PIK3C3: variants seen among roughly 807,000 people sequenced by gnomAD.
PIK3C3 encodes phosphatidylinositol 3-kinase catalytic subunit type 3, also known as PI3-kinase type 3.
Under a neutral mutation model 126.1 loss-of-function variants are expected in PIK3C3, and 95 were observed. The observed-to-expected ratio is 0.75, with a 90% CI of 0.64 to 0.89. The LOEUF is 0.89. PIK3C3 is among the 40% of genes least tolerant of loss of function. PIK3C3 has a pLI of 0.00. For synonymous variants in PIK3C3, 374 were observed against 360.0 expected, an observed-to-expected ratio of 1.04 and a Z score of -0.44; for missense variants, 829 against 1,063.2, an observed-to-expected ratio of 0.78 and a Z score of 3.06.
Position 41,997,806 on chromosome 18 carries a change from G to T in PIK3C3, c.984+1076G>T, listed in dbSNP as rs16975520. Among the ~76,000 whole-genome samples the T allele has an allele frequency of 7.4e-3, 1,127 of 152,164 alleles. 15 individuals carry two copies. Among genetic ancestry groups the T allele is most frequent in the African/African-American group, 0.026 (1,074 of 41,528 alleles). On this transcript the variant is annotated intron_variant, in intron 9 of 24. Transcript: ENST00000262039. ...ATACATGCTGCCTCTTGATATGCTTGCATCTACGAATTAGAAGAAAAGAAA... is the reference window on the plus strand; with the variant it reads ...ATACATGCTGCCTCTTGATATGCTTTCATCTACGAATTAGAAGAAAAGAAA...
rs1567984299 is a variant in PIK3C3 at position 42,015,537 on chromosome 18, AAAG to A, written c.1391_1393del (p.Glu464del). Reference sequence around the variant, plus strand: ...TTCACCTCCTCCTGCATCAAAAACAAAAGAAGTTCCAGATGGCGAAAATCTGGA... The same window carrying A: ...TTCACCTCCTCCTGCATCAAAAACAAAAGTTCCAGATGGCGAAAATCTGGA... On this transcript the variant is annotated inframe_deletion, in exon 12 of 25. Coordinates refer to ENST00000262039, the MANE Select transcript of PIK3C3 (RefSeq NM_002647.4). 1.9e-6 allele frequency: 3 copies of A among 1,613,670 alleles called. No individual in the cohort carries two copies. The highest frequency in any genetic ancestry group is 1.3e-5 in the African/African-American group (1 of 74,904).
At chr18:41,960,774 C>T (rs755622330) in intron 2 of PIK3C3, among the ~76,000 whole-genome samples, 10 of 150,510 alleles carry the variant, frequency 6.6e-5, no homozygotes, top group South Asian at 2.1e-4. Context: ...GATGGCGTCT[C>T]GCTCTGTCGC....
intron 21 of PIK3C3, chr18:42,057,595 G>A (rs1015911073): frequency 5.4e-5 from 15 of 277,458 alleles, no homozygotes; most frequent in South Asian, 9.8e-5. Flanking sequence ...GGCTCTGACC[G>A]TCTTTGATTC....
chr18:42,030,797 G>A (rs1567991578), intron 15 of PIK3C3, among the ~76,000 whole-genome samples: 1 of 152,192 alleles, frequency 6.6e-6, no homozygotes, highest in Admixed American at 6.5e-5. Context: ...GGGAGTGTCT[G>A]CTGCTCTGAC....
chr18:41,966,667 G>A (rs1980386498), intron 3 of PIK3C3, among the ~76,000 whole-genome samples: 1 of 152,124 alleles, frequency 6.6e-6, no homozygotes, highest in African/African-American at 2.4e-5. Context: ...AGAATCCCTA[G>A]TGAATACAAA....
chr18:42,033,892 C>G lies in PIK3C3; in HGVS notation c.1774C>G (p.Pro592Ala). ...KMNLSDVELIPLPLEPQVKIR... is the reference protein window; with the variant it reads ...KMNLSDVELIALPLEPQVKIR... ...GAATTTGTCAGATGTGGAACTTATC[C>G]CGTTGCCTTTAGAACCCCAAGTGAA... The change falls in exon 16 of 25, where the codon CCG becomes GCG. Residue 592 changes from proline (P) to alanine (A), a missense_variant. Coordinates refer to ENST00000262039, the MANE Select transcript of PIK3C3 (RefSeq NM_002647.4). The G allele has an allele frequency of 6.2e-7, 1 of 1,604,792 alleles. No homozygotes were observed. Among genetic ancestry groups the G allele is most frequent in the Non-Finnish European group, 8.5e-7 (1 of 1,173,884 alleles).
At chr18:42,036,528 C>T (rs184363182) in intron 16 of PIK3C3, among the ~76,000 whole-genome samples, 11 of 152,036 alleles carry the variant, frequency 7.2e-5, no homozygotes, top group African/African-American at 2.7e-4. Context: ...GGGTCTCTCT[C>T]TCTCAGAACA....
chr18:41,966,927 G>A (rs571201271), intron 3 of PIK3C3, among the ~76,000 whole-genome samples: 1 of 152,268 alleles, frequency 6.6e-6, no homozygotes, highest in African/African-American at 2.4e-5. Context: ...ATATTTTGAG[G>A]GGGTGGAGTG....
intron 10 of PIK3C3, among the ~76,000 whole-genome samples, chr18:42,005,051 G>A (rs973086381): frequency 2.6e-5 from 4 of 152,148 alleles, no homozygotes; most frequent in African/African-American, 9.7e-5. Context: ...TTTTCTGAAG[G>A]GGTTTTGGAT....
At chr18:42,072,426 A>G (rs1598957374) in intron 24 of PIK3C3, among the ~76,000 whole-genome samples, 1 of 152,212 alleles carries the variant, frequency 6.6e-6, no homozygotes, top group Admixed American at 6.5e-5. Context: ...AAACACTGCA[A>G]TATTTGTTTC....
At chr18:41,960,146 TGAG>T (rs1473163093) in intron 2 of PIK3C3, among the ~76,000 whole-genome samples, 2 of 152,194 alleles carry the variant, frequency 1.3e-5, no homozygotes, top group African/African-American at 4.8e-5. Context: ...GTTCTAATAA[TGAG>T]GAACTCATCC....
chr18:41,981,812 A>G (rs1457768971), intron 4 of PIK3C3, among the ~76,000 whole-genome samples: 1 of 151,146 alleles, frequency 6.6e-6, no homozygotes, highest in African/African-American at 2.4e-5. Flanking sequence ...ATACAAAAAA[A>G]AAAAAAAGAA....
At position 41,990,485 on chromosome 18, in the gene PIK3C3, G is replaced by A. The variant is rs1981722494; in HGVS notation, c.645G>A (p.Met215Ile). ...GTGAAAAACGAAGTTCTAATTTCAT[G>A]TACCTGATGGTTGAATTTCGATGTG... is the stretch of plus-strand genomic sequence containing the variant. ...NESEKRSSNF[M>I]YLMVEFRCVK... is the part of the protein sequence containing the mutation. The change falls in exon 6 of 25, where the codon ATG becomes ATA. Residue 215 changes from methionine (M) to isoleucine (I), a missense_variant. By Grantham distance (10) the Met-to-Ile change is conservative (BLOSUM62 1). This residue lies in a region of PIK3C3 where 313 missense variants were observed against 340.7 expected (regional missense o/e 0.92). Coordinates refer to ENST00000262039, the MANE Select transcript of PIK3C3 (RefSeq NM_002647.4). 6.3e-7 allele frequency: 1 copy of A among 1,594,708 alleles called. No individual in the cohort carries two copies. Among genetic ancestry groups the A allele is most frequent in the Non-Finnish European group, 8.6e-7 (1 of 1,163,906 alleles).
intron 21 of PIK3C3, among the ~76,000 whole-genome samples, chr18:42,053,223 G>A (rs758591133): frequency 9.9e-5 from 15 of 152,240 alleles, no homozygotes; most frequent in East Asian, 1.9e-4. Flanking sequence ...AAAATGATTC[G>A]CTGCATATAG....
intron 4 of PIK3C3, among the ~76,000 whole-genome samples, chr18:41,981,989 A>G (rs964709990): frequency 6.6e-6 from 1 of 152,068 alleles, no homozygotes; most frequent in Non-Finnish European, 1.5e-5. Flanking sequence ...GTCTCAAAAA[A>G]AAAAAGGTAC....
intron 1 of PIK3C3, among the ~76,000 whole-genome samples, chr18:41,956,735 G>A (rs911400594): frequency 4.6e-5 from 7 of 152,018 alleles, no homozygotes; most frequent in Admixed American, 1.3e-4. Flanking sequence ...TTATCTTACT[G>A]TAATGGGAAG....
chr18:41,969,238 T>G (rs1314904117), intron 3 of PIK3C3, among the ~76,000 whole-genome samples: 1 of 152,170 alleles, frequency 6.6e-6, no homozygotes, highest in African/African-American at 2.4e-5. Context: ...TATAGTCTTT[T>G]TATTTCTAAG....
chr18:42,074,984 G>A (rs868540375), intron 24 of PIK3C3, among the ~76,000 whole-genome samples: 7 of 152,064 alleles, frequency 4.6e-5, no homozygotes, highest in Admixed American at 1.3e-4. Context: ...ATGTACAAAG[G>A]TAAAAAGTTC....
Position 42,029,458 on chromosome 18 carries a change from T to C in PIK3C3, c.1707+17T>C, listed in dbSNP as rs1370791318. The C allele has an allele frequency of 7.0e-7, 1 of 1,430,718 alleles. No homozygotes were observed. Among genetic ancestry groups the C allele is most frequent in the Admixed American group, 1.7e-5 (1 of 59,710 alleles). The allele number at this position is 1,430,718 out of a possible 1,614,324, so 88.6% of individuals were successfully genotyped here. A position where few individuals can be genotyped will look rare whatever the true frequency, so the allele number is the denominator to read the frequency against. ...AAGAAAAAGGTAAGCCTATGGTGTA[T>C]GCTTTTGTTCCTAATAGCATCTTGG... is the stretch of plus-strand genomic sequence containing the variant. On this transcript the variant is annotated intron_variant, in intron 15 of 24. Transcript: ENST00000262039.
Sources: gnomAD v4.1 joint callset for allele counts (sites outside exome capture counted in the v4.1 genomes callset) on GRCh38, gnomAD v4.1.1 for gene constraint, gnomAD v4.1.1 regional missense constraint, MANE v1.5 for transcripts, NCBI Gene and HGNC (gene_info 2026-07-23, HGNC 2026-07-21) for gene names.